The following SORCS2 variants were observed in gnomAD, a reference collection of about 807,000 sequenced individuals.
The protein encoded by SORCS2 is VPS10 domain-containing receptor SorCS2.
A neutral mutation model predicts 141.6 loss-of-function variants in SORCS2; 100 were observed. The observed-to-expected ratio is 0.71, with a 90% CI of 0.60 to 0.83. The LOEUF is 0.83. SORCS2 is among the 40% of genes least tolerant of loss of function. The probability of loss-of-function intolerance (pLI) is 0.00; values close to 1 mark genes in which losing one functional copy is unlikely to be tolerated. For synonymous variants in SORCS2, 789 were observed against 676.9 expected (o/e 1.17, Z -2.57); for missense variants, 1,646 against 1,560.2 (o/e 1.05, Z -0.93).
intron 2 of SORCS2, among the ~76,000 whole-genome samples, chr4:7,445,928 A>C (rs761705743): frequency 2.3e-4 from 35 of 152,272 alleles, no homozygotes; most frequent in Non-Finnish European, 4.6e-4. Flanking sequence ...TCACCTGCCC[A>C]GGCCCACCCC....
At chr4:7,263,817 G>C (rs1433925395) in intron 1 of SORCS2, among the ~76,000 whole-genome samples, 2 of 152,178 alleles carry the variant, frequency 1.3e-5, no homozygotes, top group African/African-American at 4.8e-5. Context: ...GTGCCTTCAT[G>C]GTCAAGTTCC....
intron 3 of SORCS2, among the ~76,000 whole-genome samples, chr4:7,618,012 C>A (rs1159448858): frequency 6.6e-6 from 1 of 152,072 alleles, no homozygotes; most frequent in African/African-American, 2.4e-5. Context: ...GATATTATGT[C>A]TGCACCCCCA....
At chr4:7,435,586 C>G (rs1224688478) in intron 2 of SORCS2, among the ~76,000 whole-genome samples, 1 of 152,226 alleles carries the variant, frequency 6.6e-6, no homozygotes, top group African/African-American at 2.4e-5. Flanking sequence ...CCGGTCTCTT[C>G]ATTCTAGAAA....
At chr4:7,686,286 G>A (rs533321456) in intron 10 of SORCS2, among the ~76,000 whole-genome samples, 9 of 152,352 alleles carry the variant, frequency 5.9e-5, no homozygotes, top group East Asian at 5.8e-4. Context: ...TTCATTCACC[G>A]TGCAGTCCAT....
intron 2 of SORCS2, among the ~76,000 whole-genome samples, chr4:7,410,949 CTTT>C (rs5855962): frequency 4.1e-5 from 3 of 73,846 alleles, no homozygotes; most frequent in East Asian, 5.0e-4. Context: ...TCTCTCCATC[CTTT>C]TTTTTTTTTT....
At chr4:7,322,767 G>A (rs1718978777) in intron 1 of SORCS2, among the ~76,000 whole-genome samples, 1 of 152,190 alleles carries the variant, frequency 6.6e-6, no homozygotes. Flanking sequence ...TTCAAATGGG[G>A]GAGGACCTAT....
At chr4:7,724,262 A>G (rs960164507) in intron 19 of SORCS2, among the ~76,000 whole-genome samples, 8 of 138,194 alleles carry the variant, frequency 5.8e-5, no homozygotes, top group Admixed American at 2.8e-4. Flanking sequence ...GGTGTTGGTG[A>G]TGGTGATGAT....
intron 1 of SORCS2, among the ~76,000 whole-genome samples, chr4:7,333,788 G>C (rs751524496): frequency 4.6e-5 from 7 of 152,338 alleles, no homozygotes; most frequent in Non-Finnish European, 1.0e-4. Flanking sequence ...GTATCTTGTG[G>C]TCAGTGCTTT....
At chr4:7,258,723 C>A (rs1381325400) in intron 1 of SORCS2, among the ~76,000 whole-genome samples, 1 of 152,244 alleles carries the variant, frequency 6.6e-6, no homozygotes, top group Admixed American at 6.5e-5. Context: ...AATAGCCACA[C>A]TGTCTTCCAC....
chr4:7,528,027 C>G (rs1733806501), intron 2 of SORCS2, among the ~76,000 whole-genome samples: 1 of 151,848 alleles, frequency 6.6e-6, no homozygotes. Flanking sequence ...CTCTCTCTGT[C>G]TCTGTCTCTC....
At chr4:7,739,621 T>C (rs982316207) in intron 26 of SORCS2, among the ~76,000 whole-genome samples, 7 of 152,154 alleles carry the variant, frequency 4.6e-5, no homozygotes, top group Admixed American at 2.6e-4. Flanking sequence ...GGGCGAGGAC[T>C]CAGGCAAGGA....
At chr4:7,626,912 C>T (rs1444763250) in intron 3 of SORCS2, among the ~76,000 whole-genome samples, 1 of 152,212 alleles carries the variant, frequency 6.6e-6, no homozygotes, top group Admixed American at 6.5e-5. Context: ...GTTCCCCATC[C>T]TCATCCTCGA....
At chr4:7,410,137 A>C (rs1365856625) in intron 2 of SORCS2, among the ~76,000 whole-genome samples, 1 of 152,256 alleles carries the variant, frequency 6.6e-6, no homozygotes, top group African/African-American at 2.4e-5. Context: ...GTGTCTTACC[A>C]GCCTATGGGC....
intron 1 of SORCS2, among the ~76,000 whole-genome samples, chr4:7,320,173 G>A (rs1399052153): frequency 2.0e-5 from 3 of 152,176 alleles, no homozygotes; most frequent in African/African-American, 7.2e-5. Context: ...AAAAAGATAC[G>A]GAAATATATG....
At chr4:7,550,805 C>T (rs1395900324) in intron 3 of SORCS2, among the ~76,000 whole-genome samples, 1 of 152,170 alleles carries the variant, frequency 6.6e-6, no homozygotes, top group African/African-American at 2.4e-5. Context: ...GTGCTCAGTG[C>T]TCATATGTTC....
chr4:7,651,606 C>A (rs1435516718), intron 4 of SORCS2, among the ~76,000 whole-genome samples: 1 of 152,372 alleles, frequency 6.6e-6, no homozygotes, highest in Admixed American at 6.5e-5. Flanking sequence ...GAATGAGACA[C>A]AGGGTTTATT....
Position 7,640,227 on chromosome 4 carries a change from CGT to C in SORCS2, c.813+1745_813+1746del, listed in dbSNP as rs56071629. On this transcript the variant is annotated intron_variant, in intron 4 of 26. Coordinates refer to ENST00000507866, the MANE Select transcript of SORCS2 (RefSeq NM_020777.3). ...GTGTACATGTATGGGTGTGTATGAG[CGT>C]GTGTGTGTGAGAACCTATGTGAGTG... Among the ~76,000 whole-genome samples, 508 of 141,790 alleles carry C rather than the reference CGT, an allele frequency of 3.6e-3. 2 individuals are homozygous for C. The highest frequency in any genetic ancestry group is 8.8e-3 in the African/African-American group (334 of 37,938). 93.0% of individuals were successfully genotyped at this position (141,790 alleles called of 152,430 possible).
chr4:7,573,660 G>A (rs1185044469), intron 3 of SORCS2, among the ~76,000 whole-genome samples: 1 of 152,182 alleles, frequency 6.6e-6, no homozygotes, highest in Non-Finnish European at 1.5e-5. Context: ...TGGGATTACA[G>A]GCATGCACCA....
intron 3 of SORCS2, among the ~76,000 whole-genome samples, chr4:7,585,233 C>T (rs751692338): frequency 8.5e-5 from 13 of 152,320 alleles, no homozygotes; most frequent in South Asian, 4.2e-4. Context: ...GCAGGTCCAT[C>T]GGGGCCTGAG....
Sources: gnomAD v4.1 joint callset for allele counts (sites outside exome capture counted in the v4.1 genomes callset) on GRCh38, gnomAD v4.1.1 for gene constraint, MANE v1.5 for transcripts, NCBI Gene and HGNC (gene_info 2026-07-23, HGNC 2026-07-21) for gene names.